ACSM5: variants seen among roughly 807,000 people sequenced by gnomAD.
ACSM5 encodes the protein acyl-CoA synthetase medium chain family member 5.
A neutral mutation model predicts 71.6 loss-of-function variants in ACSM5; 56 were observed. The observed-to-expected ratio is 0.78, with a 90% CI of 0.63 to 0.98. ACSM5 has a LOEUF of 0.98. Ranked by LOEUF, ACSM5 falls within the 50% of genes least tolerant of loss-of-function variation. The pLI, the probability that ACSM5 is intolerant of heterozygous loss-of-function variation, is 0.00. For missense variants in ACSM5, 723 were observed against 726.0 expected (o/e 1.00, Z 0.05); for synonymous variants, 285 against 281.5 (o/e 1.01, Z -0.12).
intron 4 of ACSM5, 110 bp from the exon 5 acceptor site, chr16:20,421,148 C>G (rs1277191344): frequency 2.6e-5 from 35 of 1,362,204 alleles, no homozygotes; most frequent in Non-Finnish European, 3.4e-5. Context: ...AGCACAGCAC[C>G]TCACATGTGG....
intron 1 of ACSM5, among the ~76,000 whole-genome samples, chr16:20,410,260 G>A (rs1966845062): frequency 6.6e-6 from 1 of 152,104 alleles, no homozygotes; most frequent in African/African-American, 2.4e-5. Context: ...ATTACTAAGA[G>A]GAATTTAATG....
intron 12 of ACSM5, among the ~76,000 whole-genome samples, chr16:20,438,922 TC>T (rs1967258040): frequency 7.7e-6 from 1 of 129,808 alleles, no homozygotes; most frequent in South Asian, 2.5e-4. Context: ...CTCACTGAGC[TC>T]CAGCCTGGGC....
At chr16:20,437,232 G>A in intron 11 of ACSM5, 36 bp from the exon 12 acceptor site, 1 of 1,614,154 alleles carries the variant, frequency 6.2e-7, no homozygotes, top group Non-Finnish European at 8.5e-7. Context: ...GGGGTTGAGG[G>A]AAGCCCACTT....
At chr16:20,416,762 C>T (rs1477997691) in intron 2 of ACSM5, among the ~76,000 whole-genome samples, 3 of 151,966 alleles carry the variant, frequency 2.0e-5, no homozygotes, top group Non-Finnish European at 4.4e-5. Flanking sequence ...AAGTAAAAAG[C>T]TCACAGAATA....
In ACSM5 at chr16:20,419,234, T is replaced by C; in HGVS notation, c.422T>C (p.Val141Ala). The C allele has an allele frequency of 1.2e-6, 2 of 1,614,062 alleles. No individual in the cohort carries two copies. Among genetic ancestry groups the C allele is most frequent in the Non-Finnish European group, 8.5e-7 (1 of 1,180,018 alleles). The change falls in exon 4 of 14, where the codon GTG becomes GCG. Residue 141 changes from valine (V) to alanine (A), a missense_variant. By Grantham distance (64) the Val-to-Ala change is moderately conservative. Transcript: ENST00000331849. ...VSVACMRTGT[V>A]MIPGVTQLTE... ...CCCTTCTGTTTTATGCCAGGGACTG[T>C]GATGATTCCGGGTGTGACTCAGCTG...
intron 5 of ACSM5, among the ~76,000 whole-genome samples, chr16:20,423,116 G>T (rs1966910175): frequency 1.3e-5 from 2 of 152,106 alleles, no homozygotes; most frequent in South Asian, 2.1e-4. Flanking sequence ...CCATGAGATG[G>T]GATGAGATCA....
intron 8 of ACSM5, 70 bp downstream of exon 8, chr16:20,429,871 A>T: frequency 6.4e-7 from 1 of 1,572,736 alleles, no homozygotes; most frequent in Non-Finnish European, 8.6e-7. Context: ...TCCGGCTGTC[A>T]CCTCCCTGAA....
rs754742108 is a variant in ACSM5 at position 20,439,864 on chromosome 16, G to A, written c.1601G>A (p.Arg534Gln). ...YSSHDPEALTRELQEHVKRVT... is the reference protein window; with the variant it reads ...YSSHDPEALTQELQEHVKRVT... ...TCTCATGACCCAGAGGCACTAACGC[G>A]GGAACTCCAGGAGCATGTGAAAAGG... The change falls in exon 13 of 14, where the codon CGG becomes CAG. Residue 534 changes from arginine to glutamine, a missense_variant. By Grantham distance (43) the Arg-to-Gln change is conservative. Coordinates refer to ENST00000331849, the MANE Select transcript of ACSM5 (RefSeq NM_017888.3). 3.3e-5 allele frequency: 53 copies of A among 1,612,098 alleles called. 2 individuals carry two copies. In the Admixed American group the frequency reaches 5.8e-4, roughly 18 times the overall value.
At chr16:20,417,460 A>G (rs924493587) in intron 2 of ACSM5, among the ~76,000 whole-genome samples, 8 of 152,268 alleles carry the variant, frequency 5.3e-5, no homozygotes, top group African/African-American at 1.9e-4. Context: ...ATAAAGCTAC[A>G]TATCATATGA....
chr16:20,415,459 T>C (rs1966854476), intron 2 of ACSM5, among the ~76,000 whole-genome samples: 1 of 152,180 alleles, frequency 6.6e-6, no homozygotes, highest in Non-Finnish European at 1.5e-5. Flanking sequence ...ACTTCCCTAA[T>C]GGGGTGAATC....
In ACSM5 at chr16:20,411,508, A is replaced by C; in HGVS notation, c.24A>C (p.Leu8=). 6.2e-7 allele frequency: 1 copy of C among 1,614,142 alleles called. No individual in the cohort carries two copies. Among genetic ancestry groups the C allele is most frequent in the Non-Finnish European group, 8.5e-7 (1 of 1,180,000 alleles). The change falls in exon 2 of 14, where the codon CTA becomes CTC. Residue 8 remains leucine, a synonymous_variant. Transcript: ENST00000331849. MRPWLRH[L]VLQALRNSRA... ...GCATGAGACCATGGCTGAGACACCT[A>C]GTCCTCCAGGCACTGAGGAACTCCA... is the stretch of plus-strand genomic sequence containing the variant.
At chr16:20,425,017 A>AT (rs1208131907) in intron 6 of ACSM5, among the ~76,000 whole-genome samples, 1 of 152,170 alleles carries the variant, frequency 6.6e-6, no homozygotes, top group Non-Finnish European at 1.5e-5. Flanking sequence ...TCTTTCAGTT[A>AT]TTTTAAAATG....
intron 2 of ACSM5, among the ~76,000 whole-genome samples, chr16:20,412,546 G>T (rs1169153100): frequency 6.6e-6 from 1 of 151,192 alleles, no homozygotes; most frequent in Admixed American, 6.6e-5. Context: ...TCTATTTCAT[G>T]GTTACCTTTT....
intron 2 of ACSM5, 31 bp from the exon 3 acceptor site, chr16:20,418,028 T>C: frequency 6.4e-7 from 1 of 1,574,542 alleles, no homozygotes; most frequent in Non-Finnish European, 8.6e-7. Context: ...ATAAATTGCT[T>C]CTTTTTTTTT....
intron 9 of ACSM5, 33 bp downstream of exon 9, chr16:20,431,106 G>T (rs545821258): frequency 6.2e-7 from 1 of 1,607,400 alleles, no homozygotes; most frequent in Non-Finnish European, 8.5e-7. Flanking sequence ...GGCAAGGCCT[G>T]GCATGGAGAG....
At chr16:20,413,491 G>A (rs538328018) in intron 2 of ACSM5, among the ~76,000 whole-genome samples, 1 of 152,250 alleles carries the variant, frequency 6.6e-6, no homozygotes, top group South Asian at 2.1e-4. Context: ...CCTTTTCCCT[G>A]GGGGTTTTTG....
chr16:20,441,201 G>T lies in ACSM5; in HGVS notation c.*774G>T, dbSNP rs542461464. 121 of 152,294 alleles carry T rather than the reference G, an allele frequency of 7.9e-4. No homozygotes were observed. Among genetic ancestry groups the T allele is most frequent in the African/African-American group, 2.8e-3 (117 of 41,566 alleles). The allele number at this position is 152,294 out of a possible 1,614,324, so 9.4% of individuals were successfully genotyped here. On this transcript the variant is annotated 3_prime_UTR_variant, in exon 14 of 14. Transcript: ENST00000331849. ...TGTGGTTAATTGTAATCCTCCTGGA[G>T]ATTGAGGAGGGAGGGAGAGAAAATA...
At chr16:20,411,956 C>A (rs939968543) in intron 2 of ACSM5, 11 of 453,848 alleles carry the variant, frequency 2.4e-5, no homozygotes, top group Non-Finnish European at 4.0e-5. Context: ...CCTTCCGATT[C>A]CCTTCCAGTT....
At chr16:20,416,344 G>A (rs1966856368) in intron 2 of ACSM5, among the ~76,000 whole-genome samples, 1 of 149,204 alleles carries the variant, frequency 6.7e-6, no homozygotes, top group Non-Finnish European at 1.5e-5. Context: ...CAAAGTTACA[G>A]TAACCAAGAC....
Sources: allele counts gnomAD v4.1 joint callset (sites outside exome capture counted in the v4.1 genomes callset), GRCh38; gene constraint gnomAD v4.1.1; transcripts MANE v1.5; gene names NCBI Gene and HGNC (gene_info 2026-07-23, HGNC 2026-07-21).